The following SNURF variants were observed in gnomAD, a reference collection of about 807,000 sequenced individuals.
The protein encoded by SNURF is SNURF protein.
SNURF carries 6 observed loss-of-function variants against 11.6 expected under a neutral mutation model. That is an observed-to-expected ratio of 0.52 (90% CI 0.28 to 1.02). SNURF has a LOEUF of 1.02. Ranked by LOEUF, SNURF falls within the 50% of genes least tolerant of loss-of-function variation. The pLI is 0.09. For synonymous variants in SNURF, 29 were observed against 31.6 expected (o/e 0.92, Z 0.27); for missense variants, 84 against 88.4 (o/e 0.95, Z 0.20).
At chr15:24,967,964 A>C (rs765651266) in exon 3 of SNURF, 1 of 1,614,208 alleles carries the variant, frequency 6.2e-7, no homozygotes, top group Non-Finnish European at 8.5e-7. Context: ...TCTCAGCAGC[A>C]GCAAGTACCT....
chr15:24,960,711 C>T (rs541091449), intron 1 of SNURF, among the ~76,000 whole-genome samples: 30 of 152,234 alleles, frequency 2.0e-4, no homozygotes, highest in African/African-American at 6.0e-4. Flanking sequence ...TTTTACCCAT[C>T]GTAGCAATAG....
intron 5 of SNURF, chr15:24,976,417 G>A (rs769853992): frequency 1.9e-6 from 3 of 1,594,752 alleles, no homozygotes; most frequent in Non-Finnish European, 2.6e-6. Context: ...CCCCAAAGAT[G>A]TAAGGAAGAT....
intron 5 of SNURF, among the ~76,000 whole-genome samples, chr15:24,976,604 A>G (rs1054100898): frequency 6.6e-6 from 1 of 152,182 alleles, no homozygotes; most frequent in Non-Finnish European, 1.5e-5. Flanking sequence ...GAATTATTCT[A>G]TGTGCTGGGC....
rs189910289 is a variant in SNURF at position 24,962,610 on chromosome 15, T to G, written c.110+401T>G. On this transcript the variant is annotated intron_variant, in intron 2 of 2. Coordinates refer to ENST00000577949, the Ensembl canonical transcript of SNURF. ...TAGGTGTTTGTTTTTGGTTAGTGCA[T>G]TTATTCTGTTAAAATTTAAAATACA... Among the ~76,000 whole-genome samples the G allele has an allele frequency of 4.5e-4, 68 of 152,302 alleles. No individual in the cohort carries two copies. The East Asian group carries it at 0.011, about 24-fold the overall frequency.
intron 4 of SNURF, chr15:24,975,575 A>G: frequency 7.3e-7 from 1 of 1,371,914 alleles, no homozygotes; most frequent in Non-Finnish European, 1.0e-6. Flanking sequence ...CCAGAGCTGG[A>G]GTAAGGGATT....
intron 2 of SNURF, among the ~76,000 whole-genome samples, chr15:24,962,775 G>GACCTC (rs1183700023): frequency 6.6e-6 from 1 of 152,054 alleles, no homozygotes; most frequent in Non-Finnish European, 1.5e-5. Context: ...CATTTTAAAT[G>GACCTC]ACCTAATACA....
chr15:24,976,965 C>T (rs1222297908), exon 6 of SNURF: 3 of 1,605,664 alleles, frequency 1.9e-6, no homozygotes, highest in South Asian at 2.2e-5. Flanking sequence ...GCTGGTGTGC[C>T]AATTCCCCAG....
downstream of SNURF, chr15:24,978,056 G>A: frequency 8.4e-7 from 1 of 1,192,726 alleles, no homozygotes; most frequent in Non-Finnish European, 1.2e-6. Flanking sequence ...GAAAGACATA[G>A]AAGAGTAATT....
intron 1 of SNURF, among the ~76,000 whole-genome samples, chr15:24,958,134 C>A (rs1187307575): frequency 6.6e-6 from 1 of 152,176 alleles, no homozygotes; most frequent in African/African-American, 2.4e-5. Flanking sequence ...GAAATGTTTT[C>A]CACATTTATA....
rs546019816 is a variant in SNURF at position 24,955,021 on chromosome 15, A to G, written c.-28A>G. The G allele has an allele frequency of 9.2e-5, 148 of 1,612,700 alleles. 1 individual carries two copies. In the South Asian group the frequency reaches 1.5e-3, roughly 16 times the overall value. On this transcript the variant is annotated 5_prime_UTR_variant, in exon 1 of 3. Coordinates refer to ENST00000577949, the Ensembl canonical transcript of SNURF. Reference sequence around the variant, plus strand: ...AGCGGCCGCCGGAGATGCCTGACGCATCTGTCTGAGGAGCGGTCAGTGACG... The same window carrying G: ...AGCGGCCGCCGGAGATGCCTGACGCGTCTGTCTGAGGAGCGGTCAGTGACG...
At chr15:24,955,820 C>T (rs1041849362) in intron 1 of SNURF, among the ~76,000 whole-genome samples, 1 of 150,056 alleles carries the variant, frequency 6.7e-6, no homozygotes, top group African/African-American at 2.5e-5. Flanking sequence ...ACTTTGGCGG[C>T]GGTAGGCATG....
At chr15:24,962,446 T>C (rs1233533339) in intron 2 of SNURF, among the ~76,000 whole-genome samples, 3 of 152,226 alleles carry the variant, frequency 2.0e-5, no homozygotes, top group Non-Finnish European at 2.9e-5. Flanking sequence ...GTGCATTTTA[T>C]CTTTATAAAA....
intron 3 of SNURF, chr15:24,974,619 T>A: frequency 1.4e-6 from 1 of 738,034 alleles, no homozygotes; most frequent in Non-Finnish European, 2.4e-6. Context: ...ATGAGCTGAT[T>A]TTTTTATTTT....
intron 1 of SNURF, among the ~76,000 whole-genome samples, chr15:24,956,354 C>CGTGG (rs1555404318): frequency 1.4e-5 from 2 of 138,158 alleles, no homozygotes; most frequent in Non-Finnish European, 3.1e-5. Context: ...AGCGCTTCAG[C>CGTGG]GGGGGGGTGG....
intron 3 of SNURF, chr15:24,974,805 C>T: frequency 6.2e-6 from 4 of 645,818 alleles, no homozygotes; most frequent in Non-Finnish European, 1.1e-5. Flanking sequence ...GTGATCCACC[C>T]ACCTCGGCCT....
At position 24,958,349 on chromosome 15, in the gene SNURF, T is replaced by G. The variant is rs190963811; in HGVS notation, c.14+3287T>G. On this transcript the variant is annotated intron_variant, in intron 1 of 2. Transcript: ENST00000577949. ...CTCAATTACTTGGACAATGAAGTTT[T>G]AAAAATCTTATTTAGACCTGTCACT... 1.0e-3 allele frequency among the ~76,000 whole-genome samples: 154 copies of G among 151,382 alleles called. 2 individuals carry two copies. The highest frequency in any genetic ancestry group is 3.4e-3 in the African/African-American group (142 of 41,304).
At chr15:24,958,568 T>G (rs1031723080) in intron 1 of SNURF, among the ~76,000 whole-genome samples, 2 of 140,372 alleles carry the variant, frequency 1.4e-5, no homozygotes, top group Non-Finnish European at 3.0e-5. Flanking sequence ...CTCGAACTGC[T>G]AGACTCAAGC....
At chr15:24,971,480 C>T (rs1455703085), downstream of SNURF, among the ~76,000 whole-genome samples, 2 of 152,030 alleles carry the variant, frequency 1.3e-5, no homozygotes, top group Non-Finnish European at 2.9e-5. Flanking sequence ...AGGAGGTCAA[C>T]TCCTATTGTG....
chr15:24,969,849 A>T (rs890514838), downstream of SNURF, among the ~76,000 whole-genome samples: 1 of 152,208 alleles, frequency 6.6e-6, no homozygotes, highest in African/African-American at 2.4e-5. Flanking sequence ...ATGAAATTTT[A>T]TTGGAACACA....
Sources: gnomAD v4.1 joint callset for allele counts (sites outside exome capture counted in the v4.1 genomes callset) on GRCh38, gnomAD v4.1.1 for gene constraint, MANE v1.5 for transcripts, NCBI Gene and HGNC (gene_info 2026-07-23, HGNC 2026-07-21) for gene names.